The following KIAA1217 variants were observed in gnomAD, a reference collection of about 807,000 sequenced individuals.
KIAA1217 encodes the protein KIAA1217, also known as sickle tail protein homolog.
KIAA1217 carries 88 observed loss-of-function variants against 163.9 expected under a neutral mutation model. That is an observed-to-expected ratio of 0.54 (90% CI 0.45 to 0.64). The LOEUF (loss-of-function observed/expected upper bound fraction) is 0.64, where lower values mean the gene tolerates loss of function less well. KIAA1217 is among the 30% of genes least tolerant of loss of function. The pLI is 0.00. For missense variants in KIAA1217, 2,372 were observed against 2,475.0 expected, an observed-to-expected ratio of 0.96 and a Z score of 0.88; for synonymous variants, 903 against 923.1, an observed-to-expected ratio of 0.98 and a Z score of 0.39.
intron 1 of KIAA1217, among the ~76,000 whole-genome samples, chr10:23,873,659 T>C (rs573807269): frequency 2.6e-3 from 395 of 151,454 alleles, no homozygotes; most frequent in Middle Eastern, 6.8e-3. Flanking sequence ...CCCATTGCTG[T>C]TGTCTTTCTG....
chr10:23,999,715 G>A (rs1350376723), intron 1 of KIAA1217, among the ~76,000 whole-genome samples: 3 of 152,140 alleles, frequency 2.0e-5, no homozygotes, highest in Admixed American at 6.5e-5. Context: ...CAGTATAGAA[G>A]GGGAAATGTA....
intron 2 of KIAA1217, among the ~76,000 whole-genome samples, chr10:24,118,414 G>A (rs774434099): frequency 6.6e-6 from 1 of 152,160 alleles, no homozygotes; most frequent in Non-Finnish European, 1.5e-5. Flanking sequence ...AAAACCGAGC[G>A]CCTTAACAAG....
chr10:23,942,552 A>C (rs1279878572), intron 1 of KIAA1217, among the ~76,000 whole-genome samples: 1 of 152,192 alleles, frequency 6.6e-6, no homozygotes, highest in Non-Finnish European at 1.5e-5. Flanking sequence ...CTGAAGAAAT[A>C]GTAGCCCCCC....
chr10:24,353,276 A>G (rs1266166303), intron 2 of KIAA1217, among the ~76,000 whole-genome samples: 1 of 152,170 alleles, frequency 6.6e-6, no homozygotes, highest in Non-Finnish European at 1.5e-5. Context: ...CACCTTTCCC[A>G]CACCACTATA....
chr10:24,129,355 G>T (rs2063573027), intron 2 of KIAA1217, among the ~76,000 whole-genome samples: 2 of 151,980 alleles, frequency 1.3e-5, no homozygotes, highest in African/African-American at 4.8e-5. Flanking sequence ...CTAAAATCAG[G>T]GGTAGGAGTT....
chr10:23,926,726 A>AAAATAAATAAAT (rs71397924), intron 1 of KIAA1217, among the ~76,000 whole-genome samples: 15,144 of 143,840 alleles, frequency 0.11, 882 homozygotes, highest in Middle Eastern at 0.15. Flanking sequence ...TTCTGTCTCA[A>AAAATAAATAAAT]AAATAAATAA....
intron 1 of KIAA1217, among the ~76,000 whole-genome samples, chr10:23,746,271 G>A (rs1437326708): frequency 6.6e-6 from 1 of 152,104 alleles, no homozygotes. Flanking sequence ...GCACACACTG[G>A]CTCTGCTTAG....
intron 2 of KIAA1217, among the ~76,000 whole-genome samples, chr10:24,114,447 A>T (rs1333703950): frequency 6.6e-6 from 1 of 152,068 alleles, no homozygotes; most frequent in Non-Finnish European, 1.5e-5. Flanking sequence ...TTCTCTTCTC[A>T]CTTACAGACC....
At chr10:23,928,473 T>C (rs1030413660) in intron 1 of KIAA1217, among the ~76,000 whole-genome samples, 18 of 152,186 alleles carry the variant, frequency 1.2e-4, no homozygotes, top group Admixed American at 8.5e-4. Context: ...TATTTGTTTA[T>C]ATAAATGTAT....
intron 3 of KIAA1217, among the ~76,000 whole-genome samples, chr10:24,419,715 G>T (rs2058577715): frequency 6.6e-6 from 1 of 152,098 alleles, no homozygotes; most frequent in Non-Finnish European, 1.5e-5. Context: ...TAAAACCCCT[G>T]CACTTTCTTT....
At chr10:23,937,100 C>G (rs918990128) in intron 1 of KIAA1217, among the ~76,000 whole-genome samples, 1 of 152,150 alleles carries the variant, frequency 6.6e-6, no homozygotes, top group African/African-American at 2.4e-5. Context: ...GTCTCGAACT[C>G]CTGACCTCAA....
intron 1 of KIAA1217, among the ~76,000 whole-genome samples, chr10:23,998,833 T>C (rs1317393762): frequency 6.6e-6 from 1 of 152,216 alleles, no homozygotes; most frequent in Non-Finnish European, 1.5e-5. Context: ...GTATTGAGCA[T>C]GGTTACTGAT....
At chr10:24,355,301 G>A (rs1234060603) in intron 2 of KIAA1217, among the ~76,000 whole-genome samples, 3 of 152,196 alleles carry the variant, frequency 2.0e-5, no homozygotes, top group Non-Finnish European at 4.4e-5. Context: ...CTTAGTTTCA[G>A]CTGCTGCAAC....
intron 2 of KIAA1217, among the ~76,000 whole-genome samples, chr10:24,033,471 T>A (rs576109110): frequency 5.9e-5 from 9 of 152,228 alleles, no homozygotes; most frequent in Non-Finnish European, 1.3e-4. Flanking sequence ...TGGACCTTGC[T>A]CCTGTTCCCA....
intron 4 of KIAA1217, 31 bp downstream of exon 4, chr10:24,433,224 T>C (rs1399017981): frequency 1.3e-6 from 2 of 1,567,618 alleles, no homozygotes; most frequent in Non-Finnish European, 8.7e-7. Context: ...TTGCCTGCCA[T>C]TTTGCCTTAG....
At chr10:24,230,601 TC>T (rs1185756955) in intron 2 of KIAA1217, among the ~76,000 whole-genome samples, 5 of 142,490 alleles carry the variant, frequency 3.5e-5, no homozygotes, top group African/African-American at 1.3e-4. Context: ...AATCTCTGCC[TC>T]CTGGGTTCAA....
intron 1 of KIAA1217, among the ~76,000 whole-genome samples, chr10:23,975,531 T>G (rs902328567): frequency 6.6e-6 from 1 of 152,226 alleles, no homozygotes; most frequent in South Asian, 2.1e-4. Flanking sequence ...CAATGCTTCC[T>G]TAACTTCCTT....
At chr10:24,061,657 ATCT>A (rs2060726951) in intron 2 of KIAA1217, among the ~76,000 whole-genome samples, 4 of 152,170 alleles carry the variant, frequency 2.6e-5, no homozygotes, top group African/African-American at 7.2e-5. Context: ...GACCAGCATA[ATCT>A]TCTTAGTTGG....
chr10:24,391,800 T>C (rs2055028394), intron 3 of KIAA1217, among the ~76,000 whole-genome samples: 1 of 152,200 alleles, frequency 6.6e-6, no homozygotes, highest in South Asian at 2.1e-4. Flanking sequence ...TCCAAAGCCA[T>C]TTCAGAAAAT....
Sources: gnomAD v4.1 joint callset for allele counts (sites outside exome capture counted in the v4.1 genomes callset) on GRCh38, gnomAD v4.1.1 for gene constraint, MANE v1.5 for transcripts, NCBI Gene and HGNC (gene_info 2026-07-23, HGNC 2026-07-21) for gene names.